REEP1: variants seen among roughly 807,000 people sequenced by gnomAD.
REEP1 encodes the protein receptor accessory protein 1, also known as receptor expression-enhancing protein 1.
In REEP1, 22 loss-of-function variants were observed where a neutral mutation model predicts 40.3. The observed-to-expected ratio is 0.55, with a 90% CI of 0.39 to 0.78. The LOEUF is 0.78. Among genes scored for constraint, REEP1 ranks in the 30% least tolerant of loss-of-function variants. The probability of loss-of-function intolerance (pLI) is 0.00; values close to 1 mark genes in which losing one functional copy is unlikely to be tolerated. For missense variants in REEP1, 280 were observed against 361.1 expected (o/e 0.78, Z 1.82); for synonymous variants, 116 against 139.2 (o/e 0.83, Z 1.17).
At chr2:86,268,086 C>T (rs1328098441) in intron 2 of REEP1, among the ~76,000 whole-genome samples, 1 of 152,012 alleles carries the variant, frequency 6.6e-6, no homozygotes, top group African/African-American at 2.4e-5. Context: ...CTCCTAAGAT[C>T]AGAAAAAGGG....
Position 86,220,040 on chromosome 2 carries a change from T to C in REEP1, c.713A>G (p.Asp238Gly). The C allele has an allele frequency of 8.1e-7, 1 of 1,232,222 alleles. No homozygotes were observed. The highest frequency in any genetic ancestry group is 1.0e-6 in the Non-Finnish European group (1 of 988,000). 76.3% of individuals were successfully genotyped at this position (1,232,222 alleles called of 1,614,324 possible). Residue 238 changes from aspartate (D) to glycine (G), a missense_variant, in exon 8 of 9, where the codon GAC (aspartate) becomes GGC (glycine). Physicochemically the swap from Asp to Gly is moderately conservative, Grantham distance 94. Coordinates refer to ENST00000538924, the MANE Select transcript of REEP1 (RefSeq NM_001371279.1). Reference sequence around the variant, plus strand: ...GAAATCCAGCAGGTCTTCCTCCTCGTCGTCAGAAAACGCCAATGGGTTTTG... The same window carrying C: ...GAAATCCAGCAGGTCTTCCTCCTCGCCGTCAGAAAACGCCAATGGGTTTTG... ...QVQNPLAFSD[D>G]EEEDLLDFMY... is the part of the protein sequence containing the mutation.
At chr2:86,291,752 G>A (rs893823021) in intron 1 of REEP1, among the ~76,000 whole-genome samples, 8 of 152,190 alleles carry the variant, frequency 5.3e-5, no homozygotes, top group East Asian at 1.9e-4. Flanking sequence ...GCCATTCCCC[G>A]TTCCATACTG....
chr2:86,238,384 C>CACTACAGCCTTTGAGCTGTACTTCT (rs1297659326), intron 5 of REEP1, among the ~76,000 whole-genome samples: 3 of 152,188 alleles, frequency 2.0e-5, no homozygotes, highest in Non-Finnish European at 2.9e-5. Context: ...TAAATGCTGT[C>CACTACAGCCTTTGAGCTGTACTTCT]ACTACAGCCT....
At position 86,252,187 on chromosome 2, in the gene REEP1, C is replaced by T. The variant is rs535646994; in HGVS notation, c.304-117G>A. ...TTGCCCAATCCTTGTTCTTGCTGGG[C>T]CTGAAAAGCTGTAGGCACTTTGAAG... On this transcript the variant is annotated intron_variant, in intron 4 of 8. Coordinates refer to ENST00000538924, the MANE Select transcript of REEP1 (RefSeq NM_001371279.1). 4.8e-4 allele frequency: 378 copies of T among 782,246 alleles called. 5 individuals carry two copies. In the South Asian group the frequency reaches 5.2e-3, roughly 11 times the overall value. The allele number at this position is 782,246 out of a possible 1,614,324, so 48.5% of individuals were successfully genotyped here. A position where few individuals can be genotyped will look rare whatever the true frequency, so the allele number is the denominator to read the frequency against.
chr2:86,290,665 G>A (rs1678645449), intron 1 of REEP1, among the ~76,000 whole-genome samples: 1 of 152,204 alleles, frequency 6.6e-6, no homozygotes, highest in South Asian at 2.1e-4. Flanking sequence ...AGCCCTGAAA[G>A]GACTGTCTCA....
rs182460073 is a variant in REEP1 at position 86,273,982 on chromosome 2, C to T, written c.105+8188G>A. On this transcript the variant is annotated intron_variant, in intron 2 of 8. Transcript: ENST00000538924. The stretch of plus-strand genomic sequence containing the variant: ...ACTGAATGAGTATGTTTCAAATGAC[C>T]GGATTAGAATGCTGGCACTGTGAAT... Among the ~76,000 whole-genome samples, 225 of 152,162 alleles carry T rather than the reference C, an allele frequency of 1.5e-3. 2 individuals carry two copies. The highest frequency in any genetic ancestry group is 6.8e-3 in the Middle Eastern group (2 of 294).
intron 3 of REEP1, among the ~76,000 whole-genome samples, chr2:86,256,035 A>G (rs1201231388): frequency 6.6e-6 from 1 of 152,084 alleles, no homozygotes; most frequent in Non-Finnish European, 1.5e-5. Context: ...CCACAAGGTG[A>G]GCCAATTGCT....
chr2:86,308,898 A>C (rs1483953406), intron 1 of REEP1, among the ~76,000 whole-genome samples: 2 of 152,174 alleles, frequency 1.3e-5, no homozygotes, highest in East Asian at 3.9e-4. Context: ...GGGCCTTGTA[A>C]CAGTCTAGAA....
chr2:86,291,786 T>C (rs1446767324), intron 1 of REEP1, among the ~76,000 whole-genome samples: 6 of 152,176 alleles, frequency 3.9e-5, no homozygotes, highest in Non-Finnish European at 7.3e-5. Context: ...GAAGAGGCAG[T>C]TGCATTACTT....
At chr2:86,259,432 C>G (rs962491035) in intron 3 of REEP1, among the ~76,000 whole-genome samples, 1 of 151,464 alleles carries the variant, frequency 6.6e-6, no homozygotes, top group Non-Finnish European at 1.5e-5. Context: ...TGTCGCCAGG[C>G]TGGAGTGCAG....
chr2:86,226,115 C>CACCACCACT (rs1189653528), intron 7 of REEP1, among the ~76,000 whole-genome samples: 1 of 145,844 alleles, frequency 6.9e-6, no homozygotes, highest in Non-Finnish European at 1.5e-5. Context: ...CCACCACCAC[C>CACCACCACT]ATCATCACCA....
intron 7 of REEP1, among the ~76,000 whole-genome samples, chr2:86,225,340 C>T (rs1030657551): frequency 4.6e-5 from 7 of 152,194 alleles, no homozygotes; most frequent in Non-Finnish European, 1.0e-4. Context: ...GGCATGATAT[C>T]GGCTCACCGC....
chr2:86,291,591 C>G (rs995320743), intron 1 of REEP1, among the ~76,000 whole-genome samples: 3 of 152,092 alleles, frequency 2.0e-5, no homozygotes, highest in Non-Finnish European at 2.9e-5. Flanking sequence ...ATTTCCTCAT[C>G]TGATCTGCAC....
chr2:86,242,473 A>G (rs1025199817), intron 5 of REEP1, among the ~76,000 whole-genome samples: 8 of 152,188 alleles, frequency 5.3e-5, no homozygotes, highest in Non-Finnish European at 8.8e-5. Context: ...TCTACCTGGG[A>G]TCAGAGGAGG....
At chr2:86,282,098 T>TC in intron 2 of REEP1, 72 bp downstream of exon 2, 1 of 1,005,132 alleles carries the variant, frequency 9.9e-7, no homozygotes, top group Non-Finnish European at 1.6e-6. Context: ...ACGGAGGGCA[T>TC]CCCCTTCTCC....
chr2:86,317,285 G>A (rs2104504221), intron 1 of REEP1, among the ~76,000 whole-genome samples: 1 of 152,208 alleles, frequency 6.6e-6, no homozygotes, highest in South Asian at 2.1e-4. Context: ...ACCAATAAAG[G>A]ATTTTTTTTG....
intron 2 of REEP1, among the ~76,000 whole-genome samples, chr2:86,267,608 C>G (rs1677217696): frequency 6.6e-6 from 1 of 151,918 alleles, no homozygotes; most frequent in African/African-American, 2.4e-5. Flanking sequence ...ATGGCTTGAG[C>G]CCAGGAGTTC....
At chr2:86,265,882 T>C (rs1247221573) in intron 2 of REEP1, among the ~76,000 whole-genome samples, 1 of 152,154 alleles carries the variant, frequency 6.6e-6, no homozygotes, top group African/African-American at 2.4e-5. Flanking sequence ...CCAGACTTCA[T>C]CACTATGTAA....
intron 3 of REEP1, among the ~76,000 whole-genome samples, chr2:86,261,258 G>A (rs1024367378): frequency 2.0e-5 from 3 of 152,160 alleles, no homozygotes; most frequent in East Asian, 3.8e-4. Context: ...TGACTGGGCC[G>A]GCCTCTACTC....
Sources: allele counts gnomAD v4.1 joint callset (sites outside exome capture counted in the v4.1 genomes callset), GRCh38; gene constraint gnomAD v4.1.1; transcripts MANE v1.5; gene names NCBI Gene and HGNC (gene_info 2026-07-23, HGNC 2026-07-21).